Variants in NIPAL1 observed in about 807,000 individuals in gnomAD.
NIPAL1 encodes magnesium transporter NIPA3.
In NIPAL1, 35 loss-of-function variants were observed where a neutral mutation model predicts 37.7. The observed-to-expected ratio is 0.93, with a 90% CI of 0.71 to 1.23. NIPAL1 has a LOEUF of 1.23. Among genes scored for constraint, NIPAL1 ranks in the 50% most tolerant of loss-of-function variants. The pLI is 0.00. For missense variants in NIPAL1, 412 were observed against 473.9 expected (o/e 0.87, Z 1.21); for synonymous variants, 162 against 183.0 (o/e 0.89, Z 0.93).
In NIPAL1 at chr4:48,035,960, C is replaced by G; in HGVS notation, c.1021C>G (p.Leu341Val). 1 of 1,613,830 alleles carries G rather than the reference C, an allele frequency of 6.2e-7. No individual in the cohort carries two copies. The highest frequency in any genetic ancestry group is 1.1e-5 in the South Asian group (1 of 91,050). Residue 341 changes from leucine (L) to valine (V), a missense_variant, in exon 6 of 6, where the codon CTG becomes GTG. Coordinates refer to ENST00000295461, the MANE Select transcript of NIPAL1 (RefSeq NM_207330.3). Reference protein sequence around the residue: ...GMTAGDIIGTLSGFFTIIIGI... With the variant: ...GMTAGDIIGTVSGFFTIIIGI... ...GACAGCTGGAGATATCATTGGGACC[C>G]TGAGTGGATTCTTCACTATTATCAT...
intron 3 of NIPAL1, among the ~76,000 whole-genome samples, chr4:48,032,228 CT>C (rs1458697201): frequency 3.3e-5 from 5 of 152,182 alleles, no homozygotes; most frequent in Non-Finnish European, 7.4e-5. Context: ...AAGCATTTGC[CT>C]GGTGTAGTTG....
At chr4:48,024,472 G>A (rs1162551661) in intron 1 of NIPAL1, among the ~76,000 whole-genome samples, 3 of 151,894 alleles carry the variant, frequency 2.0e-5, no homozygotes, top group Non-Finnish European at 4.4e-5. Context: ...ATGTAGATGG[G>A]GTTTCACTAT....
At chr4:48,031,053 G>A (rs1016609438) in intron 3 of NIPAL1, among the ~76,000 whole-genome samples, 46 of 151,868 alleles carry the variant, frequency 3.0e-4, no homozygotes, top group African/African-American at 1.1e-3. Context: ...ATTTTTTTGG[G>A]GTTTTTTTGT....
chr4:48,035,115 A>G, intron 5 of NIPAL1, 74 bp downstream of exon 5: 1 of 1,213,006 alleles, frequency 8.2e-7, no homozygotes. Context: ...ATCTGTAATA[A>G]TATTGTAATA....
In NIPAL1 at chr4:48,034,933, A is replaced by T; in HGVS notation, c.514A>T (p.Ile172Leu). The T allele has an allele frequency of 5.6e-6, 9 of 1,612,996 alleles. No homozygotes were observed. The highest frequency in any genetic ancestry group is 7.6e-6 in the Non-Finnish European group (9 of 1,179,000). The change falls in exon 5 of 6, where the codon ATA (isoleucine) becomes TTA (leucine). Residue 172 changes from isoleucine to leucine, a missense_variant. Transcript: ENST00000295461. ...LNEHLNIHGK[I>L]GCILSILGST... The stretch of plus-strand genomic sequence containing the variant: ...CGAGCACTTGAACATTCATGGGAAA[A>T]TAGGCTGCATATTAAGTATATTGGG...
intron 3 of NIPAL1, 71 bp from the exon 4 acceptor site, chr4:48,032,922 A>C: frequency 9.9e-7 from 1 of 1,013,442 alleles, no homozygotes; most frequent in Middle Eastern, 2.1e-4. Context: ...ACTGCTTTGC[A>C]TGAGTCATTT....
At chr4:48,028,179 T>C (rs1715733708) in intron 2 of NIPAL1, among the ~76,000 whole-genome samples, 1 of 152,134 alleles carries the variant, frequency 6.6e-6, no homozygotes, top group African/African-American at 2.4e-5. Flanking sequence ...CAAATTATAC[T>C]ATAAGGCTAT....
At chr4:48,031,340 C>T (rs183511136) in intron 3 of NIPAL1, among the ~76,000 whole-genome samples, 22 of 152,270 alleles carry the variant, frequency 1.4e-4, no homozygotes, top group South Asian at 2.1e-4. Context: ...TGATTACAGG[C>T]GTGAGCCACC....
rs930579028 is a variant in NIPAL1, at chr4:48,034,825, A to G, written c.462-56A>G. The G allele has an allele frequency of 6.5e-6, 9 of 1,384,086 alleles. No individual in the cohort carries two copies. The Admixed American group carries it at 1.6e-4, about 24-fold the overall frequency. The allele number at this position is 1,384,086 out of a possible 1,614,324, so 85.7% of individuals were successfully genotyped here. On this transcript the variant is annotated intron_variant, in intron 4 of 5. Coordinates refer to ENST00000295461, the MANE Select transcript of NIPAL1 (RefSeq NM_207330.3). ...ACCACAGTGTGACTTCTGAGCTGCC[A>G]TGGGATCAAAAGGTAATTGAGCTAT...
chr4:48,030,041 G>A (rs1051764881), intron 2 of NIPAL1, 79 bp from the exon 3 acceptor site: 20 of 796,804 alleles, frequency 2.5e-5, no homozygotes, highest in African/African-American at 1.7e-4. Flanking sequence ...AATCCAGTAC[G>A]CTTCCTAGAA....
At chr4:48,029,174 A>G (rs971529151) in intron 2 of NIPAL1, among the ~76,000 whole-genome samples, 1 of 152,194 alleles carries the variant, frequency 6.6e-6, no homozygotes, top group African/African-American at 2.4e-5. Flanking sequence ...CTAAGTGCCC[A>G]TCGACAGAGG....
chr4:48,032,965 T>A (rs771100401), intron 3 of NIPAL1, 28 bp from the exon 4 acceptor site: 11 of 1,556,932 alleles, frequency 7.1e-6, no homozygotes, highest in Admixed American at 1.7e-5. Context: ...GCCCATTTTT[T>A]ATATCAATAT....
intron 1 of NIPAL1, among the ~76,000 whole-genome samples, chr4:48,021,926 TATTC>T (rs1488044311): frequency 1.8e-4 from 27 of 151,848 alleles, no homozygotes; most frequent in South Asian, 6.2e-4. Flanking sequence ...ATTTCCTAAA[TATTC>T]ATTATTCTCT....
chr4:48,033,148 A>G, intron 4 of NIPAL1, 65 bp downstream of exon 4: 2 of 1,005,638 alleles, frequency 2.0e-6, no homozygotes, highest in Non-Finnish European at 3.1e-6. Context: ...CTTAAACCAT[A>G]ATAAACATAT....
At chr4:48,022,063 A>G (rs578118372) in intron 1 of NIPAL1, among the ~76,000 whole-genome samples, 58 of 152,334 alleles carry the variant, frequency 3.8e-4, no homozygotes, top group Middle Eastern at 6.8e-3. Flanking sequence ...TGAATGGAGT[A>G]GATGTTCTCT....
At chr4:48,028,108 TACAGAAA>T (rs1715731254) in intron 2 of NIPAL1, among the ~76,000 whole-genome samples, 2 of 152,054 alleles carry the variant, frequency 1.3e-5, no homozygotes, top group African/African-American at 4.8e-5. Flanking sequence ...GGAAACATCA[TACAGAAA>T]GTTTTAAGCA....
chr4:48,022,173 A>G (rs1425059513), intron 1 of NIPAL1, among the ~76,000 whole-genome samples: 1 of 152,076 alleles, frequency 6.6e-6, no homozygotes, highest in Non-Finnish European at 1.5e-5. Context: ...TGATTCCTTT[A>G]AAACACTCCA....
chr4:48,024,472 G>C (rs1162551661), intron 1 of NIPAL1, among the ~76,000 whole-genome samples: 1 of 151,894 alleles, frequency 6.6e-6, no homozygotes, highest in Admixed American at 6.6e-5. Flanking sequence ...ATGTAGATGG[G>C]GTTTCACTAT....
chr4:48,024,199 G>A (rs1358756309), intron 1 of NIPAL1, among the ~76,000 whole-genome samples: 2 of 151,706 alleles, frequency 1.3e-5, no homozygotes, highest in East Asian at 2.0e-4. Context: ...GGCTGGTCTC[G>A]AACTCCTGAT....
Sources: gnomAD v4.1 joint callset for allele counts (sites outside exome capture counted in the v4.1 genomes callset) on GRCh38, gnomAD v4.1.1 for gene constraint, MANE v1.5 for transcripts, NCBI Gene and HGNC (gene_info 2026-07-23, HGNC 2026-07-21) for gene names.